GRPEL1: variants seen among roughly 807,000 people sequenced by gnomAD.
GRPEL1 encodes grpE protein homolog 1, mitochondrial.
GRPEL1 carries 13 observed loss-of-function variants against 22.1 expected under a neutral mutation model. The observed-to-expected ratio is 0.59, with a 90% CI of 0.38 to 0.94. The LOEUF (loss-of-function observed/expected upper bound fraction) is 0.94. Among genes scored for constraint, GRPEL1 ranks in the 40% least tolerant of loss-of-function variants. The pLI, the probability that GRPEL1 is intolerant of heterozygous loss-of-function variation, is 0.00. For missense variants in GRPEL1, 289 were observed against 264.6 expected, an observed-to-expected ratio of 1.09 and a Z score of -0.64; for synonymous variants, 109 against 105.3, an observed-to-expected ratio of 1.03 and a Z score of -0.21.
At chr4:7,062,507 TATATATA>T (rs776207328) in intron 2 of GRPEL1, 41 bp from the exon 3 acceptor site, 35,759 of 569,482 alleles carry the variant, frequency 0.063, 1,705 homozygotes, top group South Asian at 0.1. Context: ...TATATATATA[TATATATA>T]TCTTTTTTTT....
intron 1 of GRPEL1, among the ~76,000 whole-genome samples, chr4:7,066,558 A>G (rs1470232367): frequency 6.6e-6 from 1 of 152,196 alleles, no homozygotes; most frequent in Non-Finnish European, 1.5e-5. Context: ...ACCATTTTAT[A>G]TTTTTACTCT....
intron 1 of GRPEL1, among the ~76,000 whole-genome samples, chr4:7,065,344 G>A (rs192105296): frequency 1.1e-3 from 169 of 152,192 alleles, no homozygotes; most frequent in Non-Finnish European, 2.1e-3. Flanking sequence ...GAGAAACCCC[G>A]TCTCTTCTAA....
rs1577220589 is a variant in GRPEL1, at chr4:7,060,762, G to C, written c.*100C>G. The C allele has an allele frequency of 1.3e-5, 14 of 1,119,716 alleles. No homozygotes were observed. In the East Asian group the frequency reaches 2.6e-4, roughly 21 times the overall value. 69.4% of individuals were successfully genotyped at this position (1,119,716 alleles called of 1,614,324 possible). A position where few individuals can be genotyped will look rare whatever the true frequency, so the allele number is the denominator to read the frequency against. On this transcript the variant is annotated 3_prime_UTR_variant, in exon 4 of 4. Transcript: ENST00000264954. ...CTGGTTACTTAAGGTTTCCAATAAG[G>C]TTTGGGAAAAGGTCACACGTACTCA...
intron 2 of GRPEL1, among the ~76,000 whole-genome samples, chr4:7,063,192 C>T (rs559377979): frequency 6.6e-6 from 1 of 151,828 alleles, no homozygotes; most frequent in Admixed American, 6.6e-5. Context: ...TGGGCTCAAG[C>T]AATTCTCCCA....
chr4:7,062,291 G>C, intron 3 of GRPEL1, 94 bp downstream of exon 3: 10 of 415,060 alleles, frequency 2.4e-5, no homozygotes, highest in Admixed American at 7.8e-5. Flanking sequence ...CCACCCCACA[G>C]CCTTGCTCTC....
intron 1 of GRPEL1, chr4:7,067,636 G>A (rs1639312169): frequency 5.1e-6 from 2 of 389,766 alleles, no homozygotes; most frequent in African/African-American, 2.1e-5. Context: ...CGTGAGCGCC[G>A]AGACCGTGAA....
Position 7,060,096 on chromosome 4 carries a change from T to A in GRPEL1, c.*766A>T, listed in dbSNP as rs963215586. 2 of 152,234 alleles carry A rather than the reference T, an allele frequency of 1.3e-5. No homozygotes were observed. Among genetic ancestry groups the A allele is most frequent in the African/African-American group, 2.4e-5 (1 of 41,462 alleles). The allele number at this position is 152,234 out of a possible 1,614,324, so 9.4% of individuals were successfully genotyped here. A position where few individuals can be genotyped will look rare whatever the true frequency, so the allele number is the denominator to read the frequency against. On this transcript the variant is annotated 3_prime_UTR_variant, in exon 4 of 4. Transcript: ENST00000264954. ...GGGCTTTAATCCTCTTAAATAAAAATTTTAAATTAAACATTAACATTTAAA... is the reference window on the plus strand; with the variant it reads ...GGGCTTTAATCCTCTTAAATAAAAAATTTAAATTAAACATTAACATTTAAA...
intron 1 of GRPEL1, chr4:7,067,550 G>A: frequency 4.8e-6 from 1 of 209,958 alleles, no homozygotes; most frequent in Non-Finnish European, 9.5e-6. Context: ...GCTCGGCCTC[G>A]CTGCGTGACC....
chr4:7,067,403 G>A (rs558973416), intron 1 of GRPEL1: 2 of 154,256 alleles, frequency 1.3e-5, no homozygotes, highest in East Asian at 1.9e-4. Flanking sequence ...GGAATTCGAG[G>A]TCGAGTGGAA....
intron 1 of GRPEL1, chr4:7,067,692 G>A: frequency 2.0e-6 from 1 of 509,870 alleles, no homozygotes; most frequent in South Asian, 2.5e-5. Flanking sequence ...CGCGCACGTG[G>A]GCCACCGTAC....
intron 2 of GRPEL1, among the ~76,000 whole-genome samples, chr4:7,063,358 T>A (rs1024697695): frequency 2.0e-5 from 3 of 152,182 alleles, no homozygotes; most frequent in African/African-American, 4.8e-5. Flanking sequence ...CAAAGTGCTA[T>A]CAGAGGGGTA....
intron 1 of GRPEL1, among the ~76,000 whole-genome samples, chr4:7,064,876 C>A (rs1724130657): frequency 6.6e-6 from 1 of 152,160 alleles, no homozygotes; most frequent in South Asian, 2.1e-4. Flanking sequence ...CTCACTGTAA[C>A]CCCGAACTCC....
chr4:7,064,849 T>C (rs1034825190), intron 1 of GRPEL1, among the ~76,000 whole-genome samples: 1 of 152,180 alleles, frequency 6.6e-6, no homozygotes, highest in Non-Finnish European at 1.5e-5. Context: ...AGCTACAGTA[T>C]GGTGGCACAA....
At chr4:7,066,729 T>C (rs1724178052) in intron 1 of GRPEL1, among the ~76,000 whole-genome samples, 1 of 152,184 alleles carries the variant, frequency 6.6e-6, no homozygotes, top group South Asian at 2.1e-4. Context: ...ACACAAAGTG[T>C]GGCCAGGAAT....
In GRPEL1 at chr4:7,060,602, C is replaced by A; in HGVS notation, c.*260G>T. 1 of 499,936 alleles carries A rather than the reference C, an allele frequency of 2.0e-6. No homozygotes were observed. The highest frequency in any genetic ancestry group is 3.5e-6 in the Non-Finnish European group (1 of 281,944). The allele number at this position is 499,936 out of a possible 1,614,324, so 31.0% of individuals were successfully genotyped here. A position where few individuals can be genotyped will look rare whatever the true frequency, so the allele number is the denominator to read the frequency against. On this transcript the variant is annotated 3_prime_UTR_variant, in exon 4 of 4. Coordinates refer to ENST00000264954, the MANE Select transcript of GRPEL1 (RefSeq NM_025196.4). ...GAGCAGACACGTTACTCATGATGCT[C>A]GGGAGACCAGGCAGGGCCCTGCTGA... is the stretch of plus-strand genomic sequence containing the variant.
chr4:7,061,018 G>A lies in GRPEL1; in HGVS notation c.498C>T (p.Val166=), dbSNP rs762626800. ...TKHGLLKLNP[V]GAKFDPYEHE... ...GTTCATAAGGGTCGAACTTGGCTCC[G>A]ACAGGGTTCAACTTGAGCAAGCCAT... The change falls in exon 4 of 4, where the codon GTC becomes GTT. Residue 166 remains valine (V), a synonymous_variant. Coordinates refer to ENST00000264954, the MANE Select transcript of GRPEL1 (RefSeq NM_025196.4). 32 of 1,614,202 alleles carry A rather than the reference G, an allele frequency of 2.0e-5. 1 individual carries two copies. Among genetic ancestry groups the A allele is most frequent in the Admixed American group, 8.3e-5 (5 of 60,026 alleles).
chr4:7,062,091 C>A, intron 3 of GRPEL1: 1 of 210,306 alleles, frequency 4.8e-6, no homozygotes. Context: ...GTGTTACTTC[C>A]GGAGGGCTAA....
At chr4:7,067,850 G>T (rs1372648725) in intron 1 of GRPEL1, 121 bp downstream of exon 1, 2 of 1,011,372 alleles carry the variant, frequency 2.0e-6, no homozygotes, top group Non-Finnish European at 3.0e-6. Context: ...GGAACCGCGA[G>T]CCCGGAGATG....
At chr4:7,066,107 C>G (rs1279286779) in intron 1 of GRPEL1, among the ~76,000 whole-genome samples, 1 of 152,142 alleles carries the variant, frequency 6.6e-6, no homozygotes, top group African/African-American at 2.4e-5. Flanking sequence ...TCCGCCCGCA[C>G]CCGGCCAGGA....
Sources: gnomAD v4.1 joint callset for allele counts (sites outside exome capture counted in the v4.1 genomes callset) on GRCh38, gnomAD v4.1.1 for gene constraint, MANE v1.5 for transcripts, NCBI Gene and HGNC (gene_info 2026-07-23, HGNC 2026-07-21) for gene names.